The following ARHGAP24 variants were observed in gnomAD, a reference collection of about 807,000 sequenced individuals.
ARHGAP24 encodes Rho GTPase activating protein 24, also known as rho GTPase-activating protein 24.
A neutral mutation model predicts 76.4 loss-of-function variants in ARHGAP24; 50 were observed. That is an observed-to-expected ratio of 0.65 (90% CI 0.52 to 0.83). The LOEUF is 0.83. Ranked by LOEUF, ARHGAP24 falls within the 40% of genes least tolerant of loss-of-function variation. ARHGAP24 has a pLI of 0.00. For synonymous variants in ARHGAP24, 345 were observed against 323.3 expected, an observed-to-expected ratio of 1.07 and a Z score of -0.72; for missense variants, 930 against 914.2, an observed-to-expected ratio of 1.02 and a Z score of -0.22.
At chr4:85,947,059 G>A (rs956620063) in intron 5 of ARHGAP24, among the ~76,000 whole-genome samples, 11 of 152,088 alleles carry the variant, frequency 7.2e-5, no homozygotes, top group African/African-American at 2.4e-4. Flanking sequence ...CTGTGGTTTT[G>A]ATATGCATTT....
At chr4:85,793,243 T>C (rs1336763799) in intron 3 of ARHGAP24, among the ~76,000 whole-genome samples, 1 of 152,160 alleles carries the variant, frequency 6.6e-6, no homozygotes, top group Admixed American at 6.5e-5. Flanking sequence ...CTCTAAAATG[T>C]ATATTTCGAA....
chr4:85,713,133 AC>A (rs1724589615), intron 2 of ARHGAP24, among the ~76,000 whole-genome samples: 1 of 151,980 alleles, frequency 6.6e-6, no homozygotes, highest in Non-Finnish European at 1.5e-5. Flanking sequence ...CCCCATCTCT[AC>A]AAAAAATTTA....
rs1224059225 is a variant in ARHGAP24 at position 85,994,923 on chromosome 4, C to T, written c.1269C>T (p.Asn423=). 4 of 1,613,950 alleles carry T rather than the reference C, an allele frequency of 2.5e-6. No homozygotes were observed. The Admixed American group carries it at 6.7e-5, about 27-fold the overall frequency. ...GCCCCCCTCTCATGGTCAAAAAGAACCCAGCCTTTAATAAGGGTAGTGGGA... is the reference window on the plus strand; with the variant it reads ...GCCCCCCTCTCATGGTCAAAAAGAATCCAGCCTTTAATAAGGGTAGTGGGA... ...SRSPPLMVKK[N]PAFNKGSGIV... The change falls in exon 9 of 10, where the codon AAC becomes AAT. Residue 423 remains asparagine, a synonymous_variant. Transcript: ENST00000395184.
intron 2 of ARHGAP24, among the ~76,000 whole-genome samples, chr4:85,642,109 G>A (rs1397858105): frequency 6.6e-6 from 1 of 151,992 alleles, no homozygotes; most frequent in Non-Finnish European, 1.5e-5. Context: ...AGACAAGGCA[G>A]GCTGTAAAAT....
chr4:85,681,938 C>G (rs1560583277), intron 2 of ARHGAP24, among the ~76,000 whole-genome samples: 1 of 152,196 alleles, frequency 6.6e-6, no homozygotes, highest in Non-Finnish European at 1.5e-5. Context: ...TACATTTAAT[C>G]CTTAAAATAC....
At chr4:85,582,169 T>C (rs1727640874) in intron 2 of ARHGAP24, among the ~76,000 whole-genome samples, 1 of 152,158 alleles carries the variant, frequency 6.6e-6, no homozygotes, top group African/African-American at 2.4e-5. Context: ...TAGAGTATCC[T>C]ATGGGAAAAT....
At chr4:85,724,937 G>A (rs988084308) in intron 3 of ARHGAP24, among the ~76,000 whole-genome samples, 5 of 152,094 alleles carry the variant, frequency 3.3e-5, no homozygotes, top group South Asian at 4.2e-4. Flanking sequence ...AACTATTATG[G>A]CCAAAGTCCA....
intron 6 of ARHGAP24, among the ~76,000 whole-genome samples, chr4:85,973,848 T>TTTTTG (rs1739150180): frequency 3.1e-5 from 4 of 129,684 alleles, no homozygotes; most frequent in Non-Finnish European, 6.5e-5. Context: ...TTTTTTTTTT[T>TTTTTG]TTTTTTTTTT....
At chr4:85,522,461 AG>A (rs1221256265) in intron 1 of ARHGAP24, among the ~76,000 whole-genome samples, 16 of 152,320 alleles carry the variant, frequency 1.1e-4, no homozygotes, top group Admixed American at 9.2e-4. Flanking sequence ...TAGTTGCAGT[AG>A]GAGTAGCAGA....
chr4:85,913,249 A>G (rs987330479), intron 3 of ARHGAP24, among the ~76,000 whole-genome samples: 8 of 151,808 alleles, frequency 5.3e-5, no homozygotes, highest in African/African-American at 1.7e-4. Context: ...CATTCCAGGC[A>G]GAATTTCATT....
At chr4:85,817,361 T>C (rs1729285048) in intron 3 of ARHGAP24, among the ~76,000 whole-genome samples, 1 of 152,214 alleles carries the variant, frequency 6.6e-6, no homozygotes, top group Non-Finnish European at 1.5e-5. Context: ...AAATGCTTTT[T>C]TCACATGTTT....
At chr4:85,757,551 CT>C (rs1020228267) in intron 3 of ARHGAP24, among the ~76,000 whole-genome samples, 20 of 152,086 alleles carry the variant, frequency 1.3e-4, no homozygotes, top group African/African-American at 4.1e-4. Flanking sequence ...TGAACTCATC[CT>C]TTTTTATGGC....
intron 3 of ARHGAP24, among the ~76,000 whole-genome samples, chr4:85,909,190 G>T (rs1734932611): frequency 6.6e-6 from 1 of 152,122 alleles, no homozygotes; most frequent in Non-Finnish European, 1.5e-5. Flanking sequence ...TGCTAACTTT[G>T]AGGTGTTTGC....
At chr4:85,697,629 A>G (rs115888306) in intron 2 of ARHGAP24, among the ~76,000 whole-genome samples, 1 of 152,240 alleles carries the variant, frequency 6.6e-6, no homozygotes. Context: ...ATGTTCTAGA[A>G]GACAGGTTAA....
intron 1 of ARHGAP24, among the ~76,000 whole-genome samples, chr4:85,534,948 A>G (rs544904425): frequency 2.8e-4 from 43 of 151,820 alleles, no homozygotes; most frequent in African/African-American, 9.6e-4. Flanking sequence ...AAAAAAAGAA[A>G]GAAAACAGAA....
chr4:85,868,794 T>A (rs1188359578), intron 3 of ARHGAP24, among the ~76,000 whole-genome samples: 1 of 152,088 alleles, frequency 6.6e-6, no homozygotes, highest in Non-Finnish European at 1.5e-5. Context: ...AAACCTAAAA[T>A]TATTCTAAAA....
intron 2 of ARHGAP24, among the ~76,000 whole-genome samples, chr4:85,680,962 TAG>T (rs1296162952): frequency 6.6e-6 from 1 of 151,986 alleles, no homozygotes; most frequent in African/African-American, 2.4e-5. Context: ...GACAAATTTA[TAG>T]AGAGAATTCT....
At chr4:85,916,861 T>C (rs571438694) in intron 3 of ARHGAP24, among the ~76,000 whole-genome samples, 1 of 152,296 alleles carries the variant, frequency 6.6e-6, no homozygotes, top group South Asian at 2.1e-4. Flanking sequence ...TAAATAATTA[T>C]TTATTGGAGA....
At chr4:85,665,112 G>A (rs1034591216) in intron 2 of ARHGAP24, among the ~76,000 whole-genome samples, 2 of 151,980 alleles carry the variant, frequency 1.3e-5, no homozygotes, top group Admixed American at 6.5e-5. Flanking sequence ...TTGACAGTGG[G>A]GTGTTAAAGT....
Sources: gnomAD v4.1 joint callset for allele counts (sites outside exome capture counted in the v4.1 genomes callset) on GRCh38, gnomAD v4.1.1 for gene constraint, MANE v1.5 for transcripts, NCBI Gene and HGNC (gene_info 2026-07-23, HGNC 2026-07-21) for gene names.